SNX20: variants seen among roughly 807,000 people sequenced by gnomAD.
SNX20 encodes sorting nexin 20.
In SNX20, 21 loss-of-function variants were observed where a neutral mutation model predicts 24.5. That is an observed-to-expected ratio of 0.86 (90% CI 0.61 to 1.23). SNX20 has a LOEUF of 1.23. Ranked by LOEUF, SNX20 falls within the 50% of genes most tolerant of loss-of-function variation. The pLI, the probability that SNX20 is intolerant of heterozygous loss-of-function variation, is 0.00. For synonymous variants in SNX20, 206 were observed against 192.8 expected (o/e 1.07, Z -0.57); for missense variants, 433 against 430.8 (o/e 1.00, Z -0.04).
rs58374306 is a variant in SNX20 at position 50,680,920 on chromosome 16, T to C, written c.-10+270A>G. The stretch of plus-strand genomic sequence containing the variant: ...GGCAGGGGTTCCCTGACACTGTTCT[T>C]TTGAGAAACACAGGTGTGGTGACTT... On this transcript the variant is annotated intron_variant, in intron 1 of 3. Coordinates refer to ENST00000330943, the MANE Select transcript of SNX20 (RefSeq NM_182854.4). Among the ~76,000 whole-genome samples the C allele has an allele frequency of 2.5e-3, 384 of 152,332 alleles. 4 individuals carry two copies. Among genetic ancestry groups the C allele is most frequent in the African/African-American group, 8.7e-3 (363 of 41,562 alleles).
At chr16:50,671,453 A>G (rs1028401568), downstream of SNX20, 1 of 152,144 alleles carries the variant, frequency 6.6e-6, no homozygotes, top group African/African-American at 2.4e-5. Context: ...CAACAGGCTT[A>G]TTTGGTGTTA....
In SNX20 at chr16:50,674,229, GTTTATTTATTTA is replaced by G. The variant is rs752759802; in HGVS notation, c.283-167_283-156del. Among the ~76,000 whole-genome samples, 560 of 131,122 alleles carry G rather than the reference GTTTATTTATTTA, an allele frequency of 4.3e-3. 10 individuals carry two copies. In the East Asian group the frequency reaches 0.049, roughly 11 times the overall value. The allele number at this position is 131,122 out of a possible 152,430, so 86.0% of individuals were successfully genotyped here. ...TGTTTGTTTGTTTGTTTGTTTGTTT[GTTTATTTATTTA>G]TTTATTTATTTATTTATTTATTTTT... On this transcript the variant is annotated intron_variant, in intron 3 of 3. Coordinates refer to ENST00000330943, the MANE Select transcript of SNX20 (RefSeq NM_182854.4).
At chr16:50,677,798 G>A (rs529732893) in intron 1 of SNX20, among the ~76,000 whole-genome samples, 1 of 152,312 alleles carries the variant, frequency 6.6e-6, no homozygotes, top group South Asian at 2.1e-4. Flanking sequence ...CTTACGTATT[G>A]CTCAGAGTTT....
At chr16:50,675,998 T>A (rs1963174441) in intron 2 of SNX20, 77 bp from the exon 3 acceptor site, 1 of 1,456,280 alleles carries the variant, frequency 6.9e-7, no homozygotes, top group South Asian at 1.4e-5. Context: ...GATGGCTGGG[T>A]CTATCTGAGA....
intron 3 of SNX20, among the ~76,000 whole-genome samples, chr16:50,675,544 C>A (rs1025390217): frequency 1.5e-4 from 23 of 152,210 alleles, no homozygotes; most frequent in African/African-American, 5.6e-4. Flanking sequence ...TGGGCTATTT[C>A]CTTCTTGGGA....
rs746432403 is a variant in SNX20, at chr16:50,673,850, G to A, written c.507C>T (p.Tyr169=). 5 of 1,603,612 alleles carry A rather than the reference G, an allele frequency of 3.1e-6. No homozygotes were observed. Among genetic ancestry groups the A allele is most frequent in the East Asian group, 2.2e-5 (1 of 44,638 alleles). The change falls in exon 4 of 4, where the codon TAC becomes TAT. Residue 169 remains tyrosine (Y), a synonymous_variant. Transcript: ENST00000330943. The surrounding 1 kb of genome is among the most constrained non-coding windows in gnomAD (Gnocchi z 4.1). ...RALQEYLGLL[Y]AIRCVRRSRE... ...GGGAGCGGCGCACGCAGCGGATGGC[G>A]TAGAGCAGGCCCAGGTACTCCTGCA...
At position 50,673,715 on chromosome 16, in the gene SNX20, C is replaced by T; in HGVS notation, c.642G>A (p.Leu214=). The T allele has an allele frequency of 6.7e-7, 1 of 1,499,848 alleles. No individual in the cohort carries two copies. The highest frequency in any genetic ancestry group is 1.4e-5 in the African/African-American group (1 of 69,358). The allele number at this position is 1,499,848 out of a possible 1,614,324, so 92.9% of individuals were successfully genotyped here. ...ALELLLRVLP[L]QEKLTAHCPA... is the part of the protein sequence containing the mutation. ...GGCAGTGGGCGGTGAGCTTCTCCTGCAGCGGCAGCACGCGCAGCAGCAGCT... is the reference window on the plus strand; with the variant it reads ...GGCAGTGGGCGGTGAGCTTCTCCTGTAGCGGCAGCACGCGCAGCAGCAGCT... The change falls in exon 4 of 4, where the codon CTG becomes CTA. Residue 214 remains leucine, a synonymous_variant. Transcript: ENST00000330943. The surrounding 1 kb of genome is among the most constrained non-coding windows in gnomAD (Gnocchi z 4.1).
chr16:50,671,870 G>A lies in SNX20; in HGVS notation c.*1536C>T, dbSNP rs368848636. The A allele has an allele frequency of 6.6e-6, 1 of 152,168 alleles. No individual in the cohort carries two copies. The highest frequency in any genetic ancestry group is 2.1e-4 in the South Asian group (1 of 4,836). The allele number at this position is 152,168 out of a possible 1,614,324, so 9.4% of individuals were successfully genotyped here. On this transcript the variant is annotated 3_prime_UTR_variant, in exon 4 of 4. Coordinates refer to ENST00000330943, the MANE Select transcript of SNX20 (RefSeq NM_182854.4). ...AGGTGTCGCTGTTGAACAGATTCTG[G>A]TGCAGTCTAGTGCATAGCTGTCCAC...
At chr16:50,678,109 G>A (rs767599344) in intron 1 of SNX20, among the ~76,000 whole-genome samples, 1 of 152,168 alleles carries the variant, frequency 6.6e-6, no homozygotes, top group Non-Finnish European at 1.5e-5. Context: ...GGCTGAGACA[G>A]GAGGATCCCT....
Position 50,673,214 on chromosome 16 carries a change from T to C in SNX20, c.*192A>G, listed in dbSNP as rs545875603. The stretch of plus-strand genomic sequence containing the variant: ...TACTTGGGAGGCTGAGGTGGGAGGA[T>C]TGCTTGTGCCCAGGAGTTTGAGGCT... On this transcript the variant is annotated 3_prime_UTR_variant, in exon 4 of 4. Transcript: ENST00000330943. The surrounding 1 kb of genome is among the most constrained non-coding windows in gnomAD (Gnocchi z 4.1). The C allele has an allele frequency of 6.1e-6, 6 of 981,794 alleles. No homozygotes were observed. In the South Asian group the frequency reaches 2.0e-4, roughly 33 times the overall value. 60.8% of individuals were successfully genotyped at this position (981,794 alleles called of 1,614,324 possible).
At chr16:50,668,656 G>A (rs577206672), downstream of SNX20, 16 of 1,030,964 alleles carry the variant, frequency 1.6e-5, no homozygotes, top group African/African-American at 2.5e-4. Flanking sequence ...ATTCTGGGAA[G>A]GCAGCTAAAT....
chr16:50,672,375 C>T lies in SNX20; in HGVS notation c.*1031G>A, dbSNP rs1567368732. 6.6e-6 allele frequency: 1 copy of T among 152,232 alleles called. No homozygotes were observed. The highest frequency in any genetic ancestry group is 1.5e-5 in the Non-Finnish European group (1 of 68,044). 9.4% of individuals were successfully genotyped at this position (152,232 alleles called of 1,614,324 possible). On this transcript the variant is annotated 3_prime_UTR_variant, in exon 4 of 4. Coordinates refer to ENST00000330943, the MANE Select transcript of SNX20 (RefSeq NM_182854.4). Reference sequence around the variant, plus strand: ...TAGACAATGTGCTATGCCATCCCAGCCAGAAAAATTGTTGGCAACTTCCCT... The same window carrying T: ...TAGACAATGTGCTATGCCATCCCAGTCAGAAAAATTGTTGGCAACTTCCCT...
At chr16:50,668,710 G>A (rs543170596), downstream of SNX20, 6 of 1,082,724 alleles carry the variant, frequency 5.5e-6, no homozygotes, top group East Asian at 1.9e-4. Flanking sequence ...AGACGTGGCT[G>A]GGCACAGCTT....
downstream of SNX20, chr16:50,669,184 C>T (rs577219514): frequency 1.5e-5 from 14 of 941,404 alleles, no homozygotes; most frequent in African/African-American, 6.5e-5. Context: ...TCTTTAAAGG[C>T]GTGTCAGTCC....
rs1963063391 is a variant in SNX20 at position 50,672,140 on chromosome 16, C to T, written c.*1266G>A. The T allele has an allele frequency of 6.6e-6, 1 of 152,218 alleles. No individual in the cohort carries two copies. Among genetic ancestry groups the T allele is most frequent in the Non-Finnish European group, 1.5e-5 (1 of 68,054 alleles). 9.4% of individuals were successfully genotyped at this position (152,218 alleles called of 1,614,324 possible). A position where few individuals can be genotyped will look rare whatever the true frequency, so the allele number is the denominator to read the frequency against. ...TCATTCTGGGCCTGTGGTGTCCTTT[C>T]CAGACAGCAGACCTCAGTTAAGGGC... On this transcript the variant is annotated 3_prime_UTR_variant, in exon 4 of 4. Transcript: ENST00000330943.
Position 50,677,257 on chromosome 16 carries a change from T to C in SNX20, c.130+140A>G, listed in dbSNP as rs544905170. On this transcript the variant is annotated intron_variant, in intron 2 of 3. Coordinates refer to ENST00000330943, the MANE Select transcript of SNX20 (RefSeq NM_182854.4). Reference sequence around the variant, plus strand: ...GGATAAACAGCTTGCACTAGATCTGTGTCTCAGTGTCTGTTTTGGGATAAC... The same window carrying C: ...GGATAAACAGCTTGCACTAGATCTGCGTCTCAGTGTCTGTTTTGGGATAAC... The C allele has an allele frequency of 2.4e-5, 27 of 1,114,450 alleles. No homozygotes were observed. The African/African-American group carries it at 3.2e-4, about 13-fold the overall frequency. 69.0% of individuals were successfully genotyped at this position (1,114,450 alleles called of 1,614,324 possible). A position where few individuals can be genotyped will look rare whatever the true frequency, so the allele number is the denominator to read the frequency against.
intron 2 of SNX20, among the ~76,000 whole-genome samples, 168 bp downstream of exon 2, chr16:50,677,229 C>A (rs193052717): frequency 6.6e-6 from 1 of 152,204 alleles, no homozygotes; most frequent in South Asian, 2.1e-4. Flanking sequence ...AGGACCGTCT[C>A]CCGGATAAAC....
chr16:50,677,022 T>C (rs1460360575), intron 2 of SNX20, among the ~76,000 whole-genome samples: 1 of 152,178 alleles, frequency 6.6e-6, no homozygotes, highest in African/African-American at 2.4e-5. Flanking sequence ...CCTTCTCCTA[T>C]GCAGGGCAGG....
At chr16:50,675,723 A>G in intron 3 of SNX20, 47 bp downstream of exon 3, 1 of 1,606,092 alleles carries the variant, frequency 6.2e-7, no homozygotes, top group Non-Finnish European at 8.5e-7. Flanking sequence ...AGGGCCAGGA[A>G]GGAAGCAGAG....
Sources: allele counts gnomAD v4.1 joint callset (sites outside exome capture counted in the v4.1 genomes callset), GRCh38; gene constraint gnomAD v4.1.1; non-coding constraint Gnocchi (gnomAD v3.1); transcripts MANE v1.5; gene names NCBI Gene and HGNC (gene_info 2026-07-23, HGNC 2026-07-21).